Variants in CHRM3 observed in about 807,000 individuals in gnomAD.
The protein encoded by CHRM3 is muscarinic acetylcholine receptor M3.
In CHRM3, 11 loss-of-function variants were observed where a neutral mutation model predicts 41.8. The observed-to-expected ratio is 0.26, with a 90% CI of 0.17 to 0.44. The LOEUF is 0.44. CHRM3 is among the 20% of genes least tolerant of loss of function. CHRM3 has a pLI of 1.00. For synonymous variants in CHRM3, 297 were observed against 301.4 expected (o/e 0.99, Z 0.15); for missense variants, 571 against 745.4 (o/e 0.77, Z 2.72).
intron 4 of CHRM3, among the ~76,000 whole-genome samples, chr1:239,654,170 A>G (rs1672497708): frequency 6.6e-6 from 1 of 151,928 alleles, no homozygotes; most frequent in South Asian, 2.1e-4. Flanking sequence ...GGGTCTCACT[A>G]CGTTACTCAG....
chr1:239,819,591 T>G (rs964016717), intron 5 of CHRM3, among the ~76,000 whole-genome samples: 1 of 152,168 alleles, frequency 6.6e-6, no homozygotes, highest in African/African-American at 2.4e-5. Context: ...GTAGGAAAGA[T>G]TAATGGAAAG....
intron 2 of CHRM3, among the ~76,000 whole-genome samples, chr1:239,537,635 A>C (rs768360741): frequency 1.1e-4 from 16 of 152,108 alleles, no homozygotes; most frequent in Non-Finnish European, 2.1e-4. Context: ...TTGTTCCCTA[A>C]ATACTTATTT....
chr1:239,545,185 C>T (rs774921711), intron 2 of CHRM3, among the ~76,000 whole-genome samples: 49 of 152,182 alleles, frequency 3.2e-4, no homozygotes, highest in Non-Finnish European at 5.6e-4. Flanking sequence ...GACATATTTA[C>T]TGACTGTGTA....
chr1:239,840,639 T>C (rs1673719587), intron 6 of CHRM3, among the ~76,000 whole-genome samples: 1 of 152,204 alleles, frequency 6.6e-6, no homozygotes, highest in Admixed American at 6.5e-5. Flanking sequence ...AACTGGCCTT[T>C]ATTCTGAGAT....
rs1680051853 is a variant in CHRM3 at position 239,907,375 on chromosome 1, G to A, written c.-19-58G>A. The A allele has an allele frequency of 7.3e-7, 1 of 1,377,258 alleles. No homozygotes were observed. Among genetic ancestry groups the A allele is most frequent in the African/African-American group, 1.4e-5 (1 of 69,244 alleles). 85.3% of individuals were successfully genotyped at this position (1,377,258 alleles called of 1,614,324 possible). A position where few individuals can be genotyped will look rare whatever the true frequency, so the allele number is the denominator to read the frequency against. On this transcript the variant is annotated intron_variant, in intron 6 of 6. Transcript: ENST00000676153. This position sits in a 1 kb window ranked among gnomAD's most constrained non-coding sequence, Gnocchi z 5.4. ...TGTCTTTTAACGTATGTAATGCAAA[G>A]AACAAACAAATAAAGGCAGAAATTT... is the stretch of plus-strand genomic sequence containing the variant.
intron 5 of CHRM3, among the ~76,000 whole-genome samples, chr1:239,822,837 T>C (rs920122720): frequency 6.6e-5 from 10 of 152,200 alleles, no homozygotes; most frequent in Admixed American, 5.2e-4. Flanking sequence ...ATTTGCAACG[T>C]TTGCATCATT....
At chr1:239,703,574 T>C (rs1660878704) in intron 5 of CHRM3, 8 of 152,182 alleles carry the variant, frequency 5.3e-5, no homozygotes, top group Admixed American at 5.2e-4. Flanking sequence ...GAAAACCTGT[T>C]CTCAAAGCTT....
At chr1:239,690,601 G>A (rs942235558) in intron 5 of CHRM3, among the ~76,000 whole-genome samples, 1 of 151,236 alleles carries the variant, frequency 6.6e-6, no homozygotes, top group African/African-American at 2.4e-5. Context: ...CATAAATTGA[G>A]CATATTTAAC....
At chr1:239,491,496 A>G (rs558443258) in intron 1 of CHRM3, among the ~76,000 whole-genome samples, 32 of 152,352 alleles carry the variant, frequency 2.1e-4, no homozygotes, top group Non-Finnish European at 4.0e-4. Flanking sequence ...TCCAAGCTCC[A>G]TGTTGCCATG....
chr1:239,676,299 C>G (rs2149080532), intron 4 of CHRM3, among the ~76,000 whole-genome samples: 1 of 152,222 alleles, frequency 6.6e-6, no homozygotes, highest in South Asian at 2.1e-4. Flanking sequence ...ACAGAATGAC[C>G]AGTTTTTCTG....
intron 3 of CHRM3, among the ~76,000 whole-genome samples, chr1:239,600,020 A>AT (rs1326049095): frequency 1.3e-5 from 2 of 152,136 alleles, no homozygotes; most frequent in East Asian, 1.9e-4. Context: ...CTCAACCTGC[A>AT]TTTTGCTGTA....
chr1:239,691,981 AT>A lies in CHRM3; in HGVS notation c.-147+13694del, dbSNP rs986362338. ...AGAGACCCCAGGGGATGATCTCAAA[AT>A]GAATTAGCGATTTTAAATGTCACCA... is the stretch of plus-strand genomic sequence containing the variant. On this transcript the variant is annotated intron_variant, in intron 5 of 6. Coordinates refer to ENST00000676153, the MANE Select transcript of CHRM3 (RefSeq NM_001375978.1). Among the ~76,000 whole-genome samples the A allele has an allele frequency of 2.6e-5, 4 of 152,332 alleles. No homozygotes were observed. In the East Asian group the frequency reaches 5.8e-4, roughly 22 times the overall value.
intron 5 of CHRM3, among the ~76,000 whole-genome samples, chr1:239,710,754 G>C (rs1259151455): frequency 6.6e-6 from 1 of 151,630 alleles, no homozygotes; most frequent in Non-Finnish European, 1.5e-5. Context: ...TAAGCATAAA[G>C]AAAATAAGTA....
chr1:239,437,615 C>A (rs1330315543), intron 1 of CHRM3, among the ~76,000 whole-genome samples: 10 of 152,196 alleles, frequency 6.6e-5, no homozygotes, highest in Non-Finnish European at 1.5e-4. Context: ...CGGCTCACTG[C>A]AATCTCTGCC....
chr1:239,893,941 C>A (rs1678767015), intron 6 of CHRM3, among the ~76,000 whole-genome samples: 1 of 152,082 alleles, frequency 6.6e-6, no homozygotes, highest in Non-Finnish European at 1.5e-5. Context: ...TGTATCTTAT[C>A]TCTTTCTTCA....
chr1:239,723,519 G>A (rs112521094), intron 5 of CHRM3, among the ~76,000 whole-genome samples: 6 of 151,974 alleles, frequency 3.9e-5, no homozygotes, highest in African/African-American at 1.4e-4. Context: ...TGAGACAAAT[G>A]TTTATTAAGC....
intron 3 of CHRM3, among the ~76,000 whole-genome samples, chr1:239,597,501 T>A (rs1276917354): frequency 6.6e-6 from 1 of 152,196 alleles, no homozygotes; most frequent in African/African-American, 2.4e-5. Context: ...TTATATGTGA[T>A]GACTGCAGTT....
intron 4 of CHRM3, among the ~76,000 whole-genome samples, chr1:239,664,538 C>A (rs1673572155): frequency 6.6e-6 from 1 of 152,110 alleles, no homozygotes; most frequent in Admixed American, 6.5e-5. Context: ...TTTTCTCTTA[C>A]CCCTCATCTT....
intron 1 of CHRM3, among the ~76,000 whole-genome samples, chr1:239,438,123 A>G (rs963510200): frequency 6.6e-6 from 1 of 152,220 alleles, no homozygotes; most frequent in Non-Finnish European, 1.5e-5. Flanking sequence ...TTTAAAGTAT[A>G]ATGAAACATG....
Sources: gnomAD v4.1 joint callset for allele counts (sites outside exome capture counted in the v4.1 genomes callset) on GRCh38, gnomAD v4.1.1 for gene constraint, Gnocchi (gnomAD v3.1) non-coding constraint, MANE v1.5 for transcripts, NCBI Gene and HGNC (gene_info 2026-07-23, HGNC 2026-07-21) for gene names.